ZNF558: variants seen among roughly 807,000 people sequenced by gnomAD.
The protein encoded by ZNF558 is zinc finger protein 558.
ZNF558 carries 23 observed loss-of-function variants against 37.6 expected under a neutral mutation model. The observed-to-expected ratio is 0.61, with a 90% CI of 0.44 to 0.87. The LOEUF (loss-of-function observed/expected upper bound fraction) is 0.87, where lower values mean the gene tolerates loss of function less well. Among genes scored for constraint, ZNF558 ranks in the 40% least tolerant of loss-of-function variants. ZNF558 has a pLI of 0.00. For missense variants in ZNF558, 429 were observed against 483.7 expected (o/e 0.89, Z 1.06); for synonymous variants, 189 against 174.4 (o/e 1.08, Z -0.66).
At position 8,809,484 on chromosome 19, in the gene ZNF558, A is replaced by T. The variant is rs1467346036; in HGVS notation, c.*1797T>A. Reference sequence around the variant, plus strand: ...GAAGAGAACGGACACTGGGAAAGAAACCAACAGTATTTGGCATACCAAGAT... The same window carrying T: ...GAAGAGAACGGACACTGGGAAAGAATCCAACAGTATTTGGCATACCAAGAT... On this transcript the variant is annotated 3_prime_UTR_variant, in exon 10 of 10. Coordinates refer to ENST00000601372, the MANE Select transcript of ZNF558 (RefSeq NM_144693.3). 1.3e-5 allele frequency: 2 copies of T among 152,216 alleles called. No homozygotes were observed. The highest frequency in any genetic ancestry group is 3.8e-4 in the East Asian group (2 of 5,200). The allele number at this position is 152,216 out of a possible 1,614,324, so 9.4% of individuals were successfully genotyped here. A position where few individuals can be genotyped will look rare whatever the true frequency, so the allele number is the denominator to read the frequency against.
At chr19:8,816,611 G>T in intron 7 of ZNF558, among the ~76,000 whole-genome samples, 1 of 152,128 alleles carries the variant, frequency 6.6e-6, no homozygotes, top group East Asian at 1.9e-4. Context: ...CATAAACAAA[G>T]ACTGAGTGTT....
intron 7 of ZNF558, among the ~76,000 whole-genome samples, chr19:8,815,567 A>G (rs537224480): frequency 6.6e-6 from 1 of 152,160 alleles, no homozygotes; most frequent in Non-Finnish European, 1.5e-5. Flanking sequence ...GACTGCTTGC[A>G]ACCAGGAGTT....
chr19:8,825,951 G>T (rs2044221379), intron 2 of ZNF558, among the ~76,000 whole-genome samples: 4 of 152,178 alleles, frequency 2.6e-5, no homozygotes, highest in African/African-American at 9.7e-5. Flanking sequence ...TGATTACAGG[G>T]GTCCTTATAA....
chr19:8,831,865 A>G (rs2044365429), intron 1 of ZNF558, among the ~76,000 whole-genome samples: 1 of 152,136 alleles, frequency 6.6e-6, no homozygotes, highest in South Asian at 2.1e-4. Flanking sequence ...GATCTTTAAG[A>G]GCAAGCAGCG....
upstream of ZNF558, among the ~76,000 whole-genome samples, chr19:8,834,019 A>G (rs771978345): frequency 6.6e-6 from 1 of 152,058 alleles, no homozygotes; most frequent in Non-Finnish European, 1.5e-5. Flanking sequence ...ACCAAAAACC[A>G]TAAACAAAAA....
intron 7 of ZNF558, among the ~76,000 whole-genome samples, chr19:8,816,422 C>G (rs912933851): frequency 1.3e-5 from 2 of 152,022 alleles, no homozygotes; most frequent in Admixed American, 6.6e-5. Context: ...AACAGCAAGA[C>G]GGAGATGACT....
In ZNF558 at chr19:8,817,837, A is replaced by C. The variant is rs145663202; in HGVS notation, c.247+3343T>G. On this transcript the variant is annotated intron_variant, in intron 7 of 9. Transcript: ENST00000601372. ...CTAATAAGAACTCCAAAATGTATGA[A>C]GTAAAAACTGGCATAATTGAAGGAA... Among the ~76,000 whole-genome samples the C allele has an allele frequency of 3.9e-3, 598 of 152,360 alleles. 10 individuals are homozygous for C. The East Asian group carries it at 0.052, about 13-fold the overall frequency.
rs782123485 is a variant in ZNF558 at position 8,811,253 on chromosome 19, G to A, written c.*28C>T. On this transcript the variant is annotated 3_prime_UTR_variant, in exon 10 of 10. Transcript: ENST00000601372. Reference sequence around the variant, plus strand: ...TCTTAGGGATGAAAGATCAATGAGTGCTTTCCTCCAGAAGTTCCTGCAGTA... The same window carrying A: ...TCTTAGGGATGAAAGATCAATGAGTACTTTCCTCCAGAAGTTCCTGCAGTA... The A allele has an allele frequency of 5.9e-6, 9 of 1,527,354 alleles. No individual in the cohort carries two copies. Among genetic ancestry groups the A allele is most frequent in the Non-Finnish European group, 7.9e-6 (9 of 1,138,006 alleles). 94.6% of individuals were successfully genotyped at this position (1,527,354 alleles called of 1,614,324 possible).
rs145375607 is a variant in ZNF558 at position 8,808,867 on chromosome 19, C to T, written c.*2414G>A. On this transcript the variant is annotated 3_prime_UTR_variant, in exon 10 of 10. Transcript: ENST00000601372. The stretch of plus-strand genomic sequence containing the variant: ...CCATCTTGGCTCACTGCAACCTCTA[C>T]CTCCCAGGTTCAGGCAATTCTCCTG... 4.2e-3 allele frequency: 640 copies of T among 152,330 alleles called. 4 individuals carry two copies. Among genetic ancestry groups the T allele is most frequent in the Non-Finnish European group, 5.7e-3 (390 of 68,052 alleles). The allele number at this position is 152,330 out of a possible 1,614,324, so 9.4% of individuals were successfully genotyped here.
Position 8,807,568 on chromosome 19 carries a change from T to C in ZNF558, c.*3713A>G, listed in dbSNP as rs1201900785. On this transcript the variant is annotated 3_prime_UTR_variant, in exon 10 of 10. Coordinates refer to ENST00000601372, the MANE Select transcript of ZNF558 (RefSeq NM_144693.3). ...CCCCTTTGTTCCACTCCAGCTGTAT[T>C]GGCCTCCTTGTTGTGGGCCTTTGCA... 2.0e-5 allele frequency: 3 copies of C among 152,220 alleles called. No individual in the cohort carries two copies. The South Asian group carries it at 6.2e-4, about 32-fold the overall frequency. 9.4% of individuals were successfully genotyped at this position (152,220 alleles called of 1,614,324 possible).
chr19:8,827,163 A>G (rs1599291692), intron 2 of ZNF558, among the ~76,000 whole-genome samples: 2 of 147,210 alleles, frequency 1.4e-5, no homozygotes. Flanking sequence ...ATCCTGTGAC[A>G]CCTGCCCTGC....
At chr19:8,828,697 C>A (rs2044284875) in intron 2 of ZNF558, among the ~76,000 whole-genome samples, 1 of 152,114 alleles carries the variant, frequency 6.6e-6, no homozygotes, top group South Asian at 2.1e-4. Context: ...CACGGTGGCT[C>A]ATGTCTGTAA....
chr19:8,836,149 G>A (rs2044452869), upstream of ZNF558, among the ~76,000 whole-genome samples: 1 of 152,074 alleles, frequency 6.6e-6, no homozygotes, highest in African/African-American at 2.4e-5. Flanking sequence ...TTAAAAGGTT[G>A]AATATTATGG....
chr19:8,808,549 A>G lies in ZNF558; in HGVS notation c.*2732T>C, dbSNP rs1483144097. 6.6e-6 allele frequency: 1 copy of G among 152,208 alleles called. No homozygotes were observed. The highest frequency in any genetic ancestry group is 1.5e-5 in the Non-Finnish European group (1 of 68,034). 9.4% of individuals were successfully genotyped at this position (152,208 alleles called of 1,614,324 possible). On this transcript the variant is annotated 3_prime_UTR_variant, in exon 10 of 10. Transcript: ENST00000601372. ...TAAGGTTAGAAAAAGAAATCTGAAC[A>G]TACGTACTGTACTTGGAAATACAAT...
chr19:8,826,255 G>A (rs1599289495), intron 2 of ZNF558, among the ~76,000 whole-genome samples: 1 of 152,076 alleles, frequency 6.6e-6, no homozygotes, highest in African/African-American at 2.4e-5. Flanking sequence ...GCGGCAGTGG[G>A]GCTGGGCAGG....
chr19:8,835,280 G>C (rs1330063591), upstream of ZNF558, among the ~76,000 whole-genome samples: 1 of 152,116 alleles, frequency 6.6e-6, no homozygotes, highest in Non-Finnish European at 1.5e-5. Context: ...TTGAACTCCT[G>C]ACCTCAAGTG....
At chr19:8,818,745 T>A (rs1319262014) in intron 7 of ZNF558, among the ~76,000 whole-genome samples, 1 of 151,910 alleles carries the variant, frequency 6.6e-6, no homozygotes, top group Non-Finnish European at 1.5e-5. Flanking sequence ...CATAGACCAA[T>A]GGAGCCAGGA....
chr19:8,812,576 A>G lies in ZNF558; in HGVS notation c.411T>C (p.Ser137=). The change falls in exon 9 of 10, where the codon TCT becomes TCC. Residue 137 remains serine (S), a synonymous_variant. Coordinates refer to ENST00000601372, the MANE Select transcript of ZNF558 (RefSeq NM_144693.3). ...PKKNVFRKEQ[S]KGVKTERSHR... ...TTAGTCTTACCGTTTTTACACCTTT[A>G]GACTGTTCTTTTCTGAAAACATTCT... The G allele has an allele frequency of 6.2e-7, 1 of 1,603,640 alleles. No homozygotes were observed.
chr19:8,806,254 C>T lies in ZNF558; in HGVS notation c.*5027G>A, dbSNP rs2043703042. ...ACAGGGTTGTTTTATACAGTCAGTA[C>T]TGATTTATATTTACTTGCATCTTAT... On this transcript the variant is annotated 3_prime_UTR_variant, in exon 10 of 10. Coordinates refer to ENST00000601372, the MANE Select transcript of ZNF558 (RefSeq NM_144693.3). 6.6e-6 allele frequency: 1 copy of T among 152,224 alleles called. No individual in the cohort carries two copies. The highest frequency in any genetic ancestry group is 1.9e-4 in the East Asian group (1 of 5,190). 9.4% of individuals were successfully genotyped at this position (152,224 alleles called of 1,614,324 possible).
Sources: gnomAD v4.1 joint callset for allele counts (sites outside exome capture counted in the v4.1 genomes callset) on GRCh38, gnomAD v4.1.1 for gene constraint, MANE v1.5 for transcripts, NCBI Gene and HGNC (gene_info 2026-07-23, HGNC 2026-07-21) for gene names.